CCDC191: variants seen among roughly 807,000 people sequenced by gnomAD.
The protein encoded by CCDC191 is coiled-coil domain containing 191.
In CCDC191, 99 loss-of-function variants were observed where a neutral mutation model predicts 114.0. That is an observed-to-expected ratio of 0.87 (90% confidence interval 0.74 to 1.03). The LOEUF (loss-of-function observed/expected upper bound fraction) is 1.03. Ranked by LOEUF, CCDC191 falls within the 50% of genes least tolerant of loss-of-function variation. The pLI is 0.00. For synonymous variants in CCDC191, 351 were observed against 376.0 expected (o/e 0.93, Z 0.77); for missense variants, 973 against 1,087.0 (o/e 0.90, Z 1.47).
chr3:113,983,642 C>G (rs2075251441), intron 13 of CCDC191, among the ~76,000 whole-genome samples: 1 of 152,210 alleles, frequency 6.6e-6, no homozygotes, highest in Non-Finnish European at 1.5e-5. Context: ...AGCATAGAAG[C>G]TTTCAGACGG....
intron 13 of CCDC191, among the ~76,000 whole-genome samples, chr3:113,992,926 A>G (rs1559890192): frequency 6.6e-6 from 1 of 152,242 alleles, no homozygotes; most frequent in East Asian, 1.9e-4. Context: ...AGCAAACTAA[A>G]TTCAAGAGCA....
intron 16 of CCDC191, among the ~76,000 whole-genome samples, chr3:113,972,247 C>A (rs1940897378): frequency 2.0e-5 from 3 of 152,064 alleles, no homozygotes; most frequent in Admixed American, 6.6e-5. Flanking sequence ...ACTGCTTTTA[C>A]TATAACCTAT....
chr3:114,004,580 A>G, intron 11 of CCDC191, 57 bp downstream of exon 11: 1 of 1,585,174 alleles, frequency 6.3e-7, no homozygotes, highest in South Asian at 1.1e-5. Flanking sequence ...CAGTGTACAC[A>G]TTCTACTCTA....
intron 13 of CCDC191, among the ~76,000 whole-genome samples, chr3:113,990,931 C>CAAAAAAAAAAAAAAAAA (rs35483860): frequency 2.1e-5 from 1 of 47,634 alleles, no homozygotes; most frequent in Non-Finnish European, 3.8e-5. Flanking sequence ...TAAAGCACCT[C>CAAAAAAAAAAAAAAAAA]AAAAAAAAAA....
intron 7 of CCDC191, among the ~76,000 whole-genome samples, chr3:114,021,425 G>T (rs2076242291): frequency 6.6e-6 from 1 of 151,268 alleles, no homozygotes; most frequent in African/African-American, 2.4e-5. Context: ...TTCCCTGCCT[G>T]CTCAAAAAAA....
rs116599487 is a variant in CCDC191, at chr3:113,967,982, T to C, written c.2607-2623A>G. On this transcript the variant is annotated intron_variant, in intron 16 of 16. Transcript: ENST00000295878. ...ATGACAGGATTTCATTCTTTTTCAT[T>C]ACTAATATTCCATTTTGTGTATATA... Among the ~76,000 whole-genome samples the C allele has an allele frequency of 6.5e-3, 987 of 152,328 alleles. 8 individuals carry two copies. The highest frequency in any genetic ancestry group is 0.014 in the Middle Eastern group (4 of 294).
At chr3:113,982,859 A>AC (rs1553741906) in intron 13 of CCDC191, among the ~76,000 whole-genome samples, 32 of 149,340 alleles carry the variant, frequency 2.1e-4, no homozygotes, top group South Asian at 2.1e-4. Flanking sequence ...CAAAAAAACA[A>AC]AAAAAAAAAA....
intron 12 of CCDC191, 89 bp from the exon 13 acceptor site, chr3:114,001,785 A>G (rs907157504): frequency 1.3e-6 from 2 of 1,496,148 alleles, no homozygotes; most frequent in Non-Finnish European, 1.8e-6. Flanking sequence ...AGCGTCTACC[A>G]AAGTGCCTGT....
chr3:114,042,892 A>T, intron 3 of CCDC191, 46 bp from the exon 4 acceptor site: 1 of 1,522,034 alleles, frequency 6.6e-7, no homozygotes. Context: ...TACTTCAGAG[A>T]TTTTCTTTAT....
intron 7 of CCDC191, among the ~76,000 whole-genome samples, chr3:114,028,281 T>TTA (rs2076353604): frequency 6.8e-6 from 1 of 147,230 alleles, no homozygotes. Context: ...AAAAATTTTT[T>TTA]TTTTTTTTTT....
intron 11 of CCDC191, chr3:114,003,391 T>C: frequency 1.0e-6 from 1 of 985,236 alleles, no homozygotes; most frequent in Non-Finnish European, 1.2e-6. Flanking sequence ...AGGCTATTTC[T>C]TACAGTTATT....
chr3:114,002,554 A>G lies in CCDC191; in HGVS notation c.1979-16T>C, dbSNP rs752272927. On this transcript the variant is annotated splice_polypyrimidine_tract_variant and intron_variant, in intron 11 of 16. Transcript: ENST00000295878. ...TCTTCCATAGCTAGAAAATAGTAACAGAGTTCTAATATTTTTTATATTGAA... is the reference window on the plus strand; with the variant it reads ...TCTTCCATAGCTAGAAAATAGTAACGGAGTTCTAATATTTTTTATATTGAA... The G allele has an allele frequency of 3.2e-6, 5 of 1,582,956 alleles. No homozygotes were observed. The South Asian group carries it at 3.4e-5, about 11-fold the overall frequency.
intron 7 of CCDC191, 84 bp from the exon 8 acceptor site, chr3:114,018,952 T>C: frequency 8.0e-7 from 1 of 1,244,678 alleles, no homozygotes; most frequent in South Asian, 1.4e-5. Context: ...TCCTCAGATT[T>C]TCCCCTCACA....
At chr3:114,003,930 T>A in intron 11 of CCDC191, 1 of 985,406 alleles carries the variant, frequency 1.0e-6, no homozygotes, top group Non-Finnish European at 1.2e-6. Context: ...GCAGATTCAC[T>A]AGGTGGGTTC....
chr3:113,985,780 C>T (rs2075332906), intron 13 of CCDC191, among the ~76,000 whole-genome samples: 1 of 152,226 alleles, frequency 6.6e-6, no homozygotes, highest in African/African-American at 2.4e-5. Context: ...CATACAGCAA[C>T]AAACCTCAAC....
At chr3:113,978,508 A>G (rs1323419780) in intron 15 of CCDC191, 177 bp from the exon 16 acceptor site, 4 of 662,412 alleles carry the variant, frequency 6.0e-6, no homozygotes, top group African/African-American at 5.5e-5. Flanking sequence ...TATCCTAAAA[A>G]TGGTAAGAGA....
intron 7 of CCDC191, among the ~76,000 whole-genome samples, chr3:114,020,873 C>T (rs1006201628): frequency 9.9e-5 from 15 of 152,082 alleles, no homozygotes; most frequent in Non-Finnish European, 1.9e-4. Context: ...TCCTTTGATT[C>T]TGACAATCCT....
At chr3:114,008,960 T>G (rs914768662) in intron 9 of CCDC191, among the ~76,000 whole-genome samples, 1 of 152,138 alleles carries the variant, frequency 6.6e-6, no homozygotes, top group Non-Finnish European at 1.5e-5. Flanking sequence ...CTATATGGTA[T>G]AGCCTATTGC....
Position 114,018,811 on chromosome 3 carries a change from GCT to G in CCDC191, c.1028_1029del (p.Lys343ThrfsTer9). 6.2e-7 allele frequency: 1 copy of G among 1,613,806 alleles called. No individual in the cohort carries two copies. The highest frequency in any genetic ancestry group is 8.5e-7 in the Non-Finnish European group (1 of 1,179,830). Reference sequence around the variant, plus strand: ...TCAGACAGGGTCCCAGCTTTCCCCAGCTTAATCCTATGATCAAGAATCAGCTT... The same window carrying G: ...TCAGACAGGGTCCCAGCTTTCCCCAGTAATCCTATGATCAAGAATCAGCTT... Reference protein sequence around the residue: ...WHKLILDHRIKLGKAGTLSDW... With the variant: ...WHKLILDHRIXLGKAGTLSDW... On this transcript the variant is annotated frameshift_variant, in exon 8 of 17. Coordinates refer to ENST00000295878, the MANE Select transcript of CCDC191 (RefSeq NM_020817.2). LOFTEE classifies it high-confidence loss of function.
Sources: allele counts gnomAD v4.1 joint callset (sites outside exome capture counted in the v4.1 genomes callset), GRCh38; gene constraint gnomAD v4.1.1; transcripts MANE v1.5; gene names NCBI Gene and HGNC (gene_info 2026-07-23, HGNC 2026-07-21).